DGKB: variants seen among roughly 807,000 people sequenced by gnomAD.
DGKB encodes diacylglycerol kinase beta, also known as 90 kDa diacylglycerol kinase.
DGKB carries 67 observed loss-of-function variants against 114.3 expected under a neutral mutation model. That is an observed-to-expected ratio of 0.59 (90% CI 0.48 to 0.72). DGKB has a LOEUF of 0.72. DGKB is among the 30% of genes least tolerant of loss of function. DGKB has a pLI of 0.00. For synonymous variants in DGKB, 398 were observed against 323.1 expected (o/e 1.23, Z -2.49); for missense variants, 907 against 975.2 (o/e 0.93, Z 0.93).
At chr7:14,165,317 A>G (rs1784459738) in intron 25 of DGKB, among the ~76,000 whole-genome samples, 1 of 152,198 alleles carries the variant, frequency 6.6e-6, no homozygotes, top group African/African-American at 2.4e-5. Flanking sequence ...AATGGCTGAG[A>G]TTCTGTAATA....
chr7:14,581,519 C>T (rs983022010), intron 18 of DGKB, among the ~76,000 whole-genome samples: 2 of 152,200 alleles, frequency 1.3e-5, no homozygotes, highest in Admixed American at 6.5e-5. Context: ...ACGAGATCAG[C>T]AGGTTTTCCA....
At chr7:14,670,667 T>C (rs1818821585) in intron 13 of DGKB, among the ~76,000 whole-genome samples, 1 of 152,152 alleles carries the variant, frequency 6.6e-6, no homozygotes, top group Non-Finnish European at 1.5e-5. Context: ...TTATTCATCT[T>C]ATGTAACTGC....
At position 14,292,455 on chromosome 7, in the gene DGKB, G is replaced by A. The variant is rs4492266; in HGVS notation, c.2122+46060C>T. Among the ~76,000 whole-genome samples the A allele has an allele frequency of 6.6e-5, 10 of 152,216 alleles. No individual in the cohort carries two copies. In the East Asian group the frequency reaches 1.9e-3, roughly 29 times the overall value. On this transcript the variant is annotated intron_variant, in intron 23 of 25. Coordinates refer to ENST00000402815, the MANE Select transcript of DGKB (RefSeq NM_001350709.2). ...TGTATCTGCTCATATTCACATCTCGGATTGACTACAATTCAAACCTGGTTA... is the reference window on the plus strand; with the variant it reads ...TGTATCTGCTCATATTCACATCTCGAATTGACTACAATTCAAACCTGGTTA...
At chr7:14,937,786 T>C (rs1486621262) in intron 1 of DGKB, among the ~76,000 whole-genome samples, 3 of 152,142 alleles carry the variant, frequency 2.0e-5, no homozygotes, top group African/African-American at 7.2e-5. Flanking sequence ...CTACTTCCTC[T>C]TCCTCTTCAG....
At chr7:14,204,841 A>G (rs1043311578) in intron 23 of DGKB, among the ~76,000 whole-genome samples, 9 of 152,052 alleles carry the variant, frequency 5.9e-5, no homozygotes, top group African/African-American at 2.2e-4. Context: ...ATGTATTACT[A>G]TAAATTGTTG....
intron 1 of DGKB, among the ~76,000 whole-genome samples, chr7:14,891,212 T>C (rs992663590): frequency 8.6e-5 from 13 of 151,402 alleles, no homozygotes; most frequent in African/African-American, 2.7e-4. Flanking sequence ...CTATATATAC[T>C]ACAATATAGT....
At chr7:14,754,449 C>A (rs933020027) in intron 3 of DGKB, among the ~76,000 whole-genome samples, 1 of 152,074 alleles carries the variant, frequency 6.6e-6, no homozygotes, top group Admixed American at 6.6e-5. Flanking sequence ...CTTCTATTAG[C>A]GTCACGCCTA....
intron 2 of DGKB, among the ~76,000 whole-genome samples, chr7:14,764,611 C>T (rs757481315): frequency 1.7e-4 from 26 of 151,900 alleles, no homozygotes; most frequent in Non-Finnish European, 2.9e-4. Flanking sequence ...GTCTTATATG[C>T]AGCTGAGATG....
At chr7:14,629,599 T>C (rs1465767717) in intron 14 of DGKB, among the ~76,000 whole-genome samples, 1 of 152,124 alleles carries the variant, frequency 6.6e-6, no homozygotes, top group Non-Finnish European at 1.5e-5. Context: ...ACAATTGAAT[T>C]GGATACTGTC....
intron 1 of DGKB, among the ~76,000 whole-genome samples, chr7:14,950,105 T>TA (rs148336440): frequency 4.1e-5 from 6 of 147,838 alleles, no homozygotes; most frequent in African/African-American, 9.9e-5. Flanking sequence ...AGTATAATAA[T>TA]AAAAAAAAAG....
chr7:14,449,140 T>C (rs1831122917), intron 21 of DGKB, among the ~76,000 whole-genome samples: 1 of 152,088 alleles, frequency 6.6e-6, no homozygotes, highest in Admixed American at 6.6e-5. Flanking sequence ...TAATCACATA[T>C]TTTAAATGCT....
chr7:14,712,725 A>G lies in DGKB; in HGVS notation c.466+5817T>C, dbSNP rs144843185. Among the ~76,000 whole-genome samples, 403 of 152,068 alleles carry G rather than the reference A, an allele frequency of 2.7e-3. 2 individuals are homozygous for G. Among genetic ancestry groups the G allele is most frequent in the African/African-American group, 9.6e-3 (397 of 41,522 alleles). On this transcript the variant is annotated intron_variant, in intron 6 of 25. Coordinates refer to ENST00000402815, the MANE Select transcript of DGKB (RefSeq NM_001350709.2). Reference sequence around the variant, plus strand: ...AAATAATTAAGTAAGAAAAAAGGCAATTATTAACTCCATGGAAAATAAAAG... The same window carrying G: ...AAATAATTAAGTAAGAAAAAAGGCAGTTATTAACTCCATGGAAAATAAAAG...
chr7:14,854,053 G>C (rs1247882652), intron 1 of DGKB, among the ~76,000 whole-genome samples: 2 of 152,030 alleles, frequency 1.3e-5, no homozygotes, highest in Non-Finnish European at 1.5e-5. Context: ...TCTGCGGTAA[G>C]ATCAACATAC....
intron 2 of DGKB, among the ~76,000 whole-genome samples, chr7:14,788,170 T>A (rs562684289): frequency 1.3e-5 from 2 of 152,314 alleles, no homozygotes. Flanking sequence ...ATAGCTCTAA[T>A]GCCCATGGCA....
chr7:14,328,157 A>G (rs1420277472), intron 23 of DGKB, among the ~76,000 whole-genome samples: 2 of 152,120 alleles, frequency 1.3e-5, no homozygotes, highest in Non-Finnish European at 2.9e-5. Flanking sequence ...TGAATATCAT[A>G]GACTTAGTAA....
intron 9 of DGKB, among the ~76,000 whole-genome samples, chr7:14,691,570 C>A (rs1822869104): frequency 6.6e-6 from 1 of 152,002 alleles, no homozygotes; most frequent in Non-Finnish European, 1.5e-5. Flanking sequence ...AATTACCATG[C>A]CTTAGAATTC....
intron 10 of DGKB, among the ~76,000 whole-genome samples, chr7:14,684,526 T>C (rs1439835791): frequency 6.6e-6 from 1 of 152,192 alleles, no homozygotes. Context: ...AGATATGCTG[T>C]AGATTTAAAA....
chr7:14,783,331 T>A (rs73064790), intron 2 of DGKB, among the ~76,000 whole-genome samples: 2,178 of 152,314 alleles, frequency 0.014, 18 homozygotes, highest in Non-Finnish European at 0.02. Context: ...CGGATTCACT[T>A]GTCACACCGC....
rs557442068 is a variant in DGKB, at chr7:14,296,734, TA to T, written c.2122+41780del. 1.2e-4 allele frequency among the ~76,000 whole-genome samples: 17 copies of T among 142,192 alleles called. No individual in the cohort carries two copies. In the South Asian group the frequency reaches 1.5e-3, roughly 13 times the overall value. 93.3% of individuals were successfully genotyped at this position (142,192 alleles called of 152,430 possible). A position where few individuals can be genotyped will look rare whatever the true frequency, so the allele number is the denominator to read the frequency against. Reference sequence around the variant, plus strand: ...AGGAGATAGAGACACAAAAAACCTTTAAAAAAATCAGTGAATCCAGGGACTG... The same window carrying T: ...AGGAGATAGAGACACAAAAAACCTTTAAAAAATCAGTGAATCCAGGGACTG... On this transcript the variant is annotated intron_variant, in intron 23 of 25. Coordinates refer to ENST00000402815, the MANE Select transcript of DGKB (RefSeq NM_001350709.2).
Sources: allele counts gnomAD v4.1 joint callset (sites outside exome capture counted in the v4.1 genomes callset), GRCh38; gene constraint gnomAD v4.1.1; transcripts MANE v1.5; gene names NCBI Gene and HGNC (gene_info 2026-07-23, HGNC 2026-07-21).